Variants in ZNF469 observed in about 807,000 individuals in gnomAD.
ZNF469 encodes the protein zinc finger protein 469.
In ZNF469, 1 loss-of-function variant was observed where a neutral mutation model predicts 1.0. That is an observed-to-expected ratio of 1.00 (90% CI 0.35 to 4.73). ZNF469 has a LOEUF of 4.73. Among genes scored for constraint, ZNF469 ranks in the 30% most tolerant of loss-of-function variants. The pLI is 0.16. For missense variants in ZNF469, 6,100 were observed against 5,356.3 expected, an observed-to-expected ratio of 1.14 and a Z score of -4.33; for synonymous variants, 2,703 against 2,363.4, an observed-to-expected ratio of 1.14 and a Z score of -4.17.
chr16:88,275,350 G>C, the ZNF469 span, among the ~76,000 whole-genome samples: 39 of 152,292 alleles, frequency 2.6e-4, no homozygotes, highest in African/African-American at 8.4e-4. Flanking sequence ...CATCACCAGA[G>C]ACAAGAAAAC....
chr16:88,251,189 T>G, the ZNF469 span, among the ~76,000 whole-genome samples: 1 of 152,314 alleles, frequency 6.6e-6, no homozygotes, highest in East Asian at 1.9e-4. Flanking sequence ...GTTTGGTTTT[T>G]GATAGCACAT....
chr16:88,337,644 G>T, the ZNF469 span, among the ~76,000 whole-genome samples: 1 of 152,174 alleles, frequency 6.6e-6, no homozygotes, highest in East Asian at 1.9e-4. Flanking sequence ...AAGGCACGAG[G>T]ACTCTGGTCC....
At chr16:88,235,062 C>T in the ZNF469 span, among the ~76,000 whole-genome samples, 18 of 152,188 alleles carry the variant, frequency 1.2e-4, no homozygotes, top group African/African-American at 2.7e-4. Context: ...TGCAGGGCCC[C>T]GGCCTTCTGG....
the ZNF469 span, among the ~76,000 whole-genome samples, chr16:88,197,136 C>G: frequency 3.3e-5 from 5 of 152,232 alleles, no homozygotes; most frequent in East Asian, 9.6e-4. Flanking sequence ...GGCCATCACA[C>G]CTAGGAAGCT....
At chr16:88,162,095 C>T in the ZNF469 span, among the ~76,000 whole-genome samples, 699 of 152,166 alleles carry the variant, frequency 4.6e-3, 9 homozygotes, top group African/African-American at 0.016. Context: ...AAAGATGGTA[C>T]GTACACAAAT....
chr16:88,428,838 G>T lies in ZNF469; in HGVS notation c.1368G>T (p.Leu456=). Residue 456 remains leucine, a synonymous_variant, in exon 3 of 3, where the codon CTG becomes CTT. Coordinates refer to ENST00000565624, the MANE Select transcript of ZNF469 (RefSeq NM_001367624.2). ...APYPTPPGGP[L]AATRSMFFNG... ...ACCCCACACCTCCTGGGGGCCCCCT[G>T]GCTGCCACCAGGAGTATGTTCTTTA... is the stretch of plus-strand genomic sequence containing the variant. 1.3e-6 allele frequency: 2 copies of T among 1,548,270 alleles called. No homozygotes were observed. Among genetic ancestry groups the T allele is most frequent in the Non-Finnish European group, 1.7e-6 (2 of 1,146,398 alleles).
chr16:88,150,615 G>A, the ZNF469 span, among the ~76,000 whole-genome samples: 4 of 152,294 alleles, frequency 2.6e-5, no homozygotes, highest in Admixed American at 6.5e-5. Context: ...CCCTTCAGGC[G>A]ACTGGCTGCA....
At chr16:88,122,144 C>G in the ZNF469 span, among the ~76,000 whole-genome samples, 1 of 145,756 alleles carries the variant, frequency 6.9e-6, no homozygotes, top group African/African-American at 2.5e-5. Flanking sequence ...CCACTCAGAT[C>G]ACACCCCGTC....
chr16:88,198,221 C>G, the ZNF469 span, among the ~76,000 whole-genome samples: 1 of 152,218 alleles, frequency 6.6e-6, no homozygotes, highest in South Asian at 2.1e-4. Flanking sequence ...TCCCACATCA[C>G]GTGCACTGAA....
the ZNF469 span, among the ~76,000 whole-genome samples, chr16:88,278,285 G>A: frequency 0.01 from 153 of 15,206 alleles, no homozygotes; most frequent in Middle Eastern, 0.036. Flanking sequence ...GCTGTGCGAC[G>A]CTGACGCTCA....
At chr16:88,412,476 C>T (rs1168613050) in intron 1 of ZNF469, among the ~76,000 whole-genome samples, 2 of 152,208 alleles carry the variant, frequency 1.3e-5, no homozygotes, top group Admixed American at 1.3e-4. Context: ...AGGTCTTTGC[C>T]AGTGAAGGCT....
the ZNF469 span, among the ~76,000 whole-genome samples, chr16:88,319,431 C>G: frequency 1.1e-3 from 161 of 152,302 alleles, 1 homozygote; most frequent in African/African-American, 2.3e-3. Flanking sequence ...GCTGCTCCCC[C>G]AGGGAGGAGG....
chr16:88,377,821 G>T, the ZNF469 span, among the ~76,000 whole-genome samples: 2 of 152,164 alleles, frequency 1.3e-5, no homozygotes, highest in Admixed American at 6.5e-5. Context: ...GCTGTGCTCT[G>T]TAGATGAAGA....
the ZNF469 span, among the ~76,000 whole-genome samples, chr16:88,198,102 G>A: frequency 2.6e-5 from 4 of 152,352 alleles, no homozygotes; most frequent in South Asian, 8.3e-4. Flanking sequence ...TTCAAAAACT[G>A]TCTCCTGAGT....
At chr16:88,291,102 A>G in the ZNF469 span, among the ~76,000 whole-genome samples, 1 of 152,094 alleles carries the variant, frequency 6.6e-6, no homozygotes, top group Non-Finnish European at 1.5e-5. Context: ...ACACACCTGG[A>G]GCCAAGCAGG....
Position 88,435,251 on chromosome 16 carries a change from C to T in ZNF469, c.7781C>T (p.Pro2594Leu), listed in dbSNP as rs1318049356. The T allele has an allele frequency of 5.2e-6, 8 of 1,550,254 alleles. No individual in the cohort carries two copies. In the Admixed American group the frequency reaches 1.4e-4, roughly 27 times the overall value. Residue 2594 changes from proline (P) to leucine (L), a missense_variant, in exon 3 of 3, where the codon CCA (proline) becomes CTA (leucine). Coordinates refer to ENST00000565624, the MANE Select transcript of ZNF469 (RefSeq NM_001367624.2). ...DVKTPASKPR[P>L]DQAREDELHP... is the part of the protein sequence containing the mutation. ...AAGACTCCGGCCTCCAAGCCCAGAC[C>T]AGACCAGGCCAGGGAAGATGAGCTG...
the ZNF469 span, among the ~76,000 whole-genome samples, chr16:88,311,905 G>C: frequency 9.8e-5 from 15 of 152,326 alleles, no homozygotes; most frequent in Non-Finnish European, 1.8e-4. Context: ...AATCTCATTG[G>C]CTGCTTGTAT....
chr16:88,159,428 G>A, the ZNF469 span, among the ~76,000 whole-genome samples: 1 of 152,116 alleles, frequency 6.6e-6, no homozygotes, highest in South Asian at 2.1e-4. Flanking sequence ...TCTTCTCAGA[G>A]TCCTGGGGGA....
chr16:88,244,576 G>A, the ZNF469 span, among the ~76,000 whole-genome samples: 3 of 146,070 alleles, frequency 2.1e-5, no homozygotes, highest in Non-Finnish European at 3.1e-5. Flanking sequence ...TGGATGCATG[G>A]ATGGATGGAT....
Sources: allele counts gnomAD v4.1 joint callset (sites outside exome capture counted in the v4.1 genomes callset), GRCh38; gene constraint gnomAD v4.1.1; transcripts MANE v1.5; gene names NCBI Gene and HGNC (gene_info 2026-07-23, HGNC 2026-07-21).